KRI1: variants seen among roughly 807,000 people sequenced by gnomAD.
KRI1 encodes KRI1 homolog.
Under a neutral mutation model 97.0 loss-of-function variants are expected in KRI1, and 83 were observed. That is an observed-to-expected ratio of 0.86 (90% CI 0.72 to 1.03). The LOEUF is 1.03. Ranked by LOEUF, KRI1 falls within the 50% of genes least tolerant of loss-of-function variation. KRI1 has a pLI of 0.00. For missense variants in KRI1, 916 were observed against 928.4 expected (o/e 0.99, Z 0.17); for synonymous variants, 371 against 363.5 (o/e 1.02, Z -0.23).
At chr19:10,560,082 C>T (rs1409886270) in intron 9 of KRI1, 146 bp from the exon 10 acceptor site, 2 of 1,254,346 alleles carry the variant, frequency 1.6e-6, no homozygotes, top group Non-Finnish European at 2.1e-6. Context: ...CCTCATTTTA[C>T]AGATGGGGAA....
chr19:10,558,996 C>T (rs1319212883), intron 12 of KRI1, among the ~76,000 whole-genome samples: 1 of 142,636 alleles, frequency 7.0e-6, no homozygotes, highest in East Asian at 2.0e-4. Context: ...TGAGCCACTG[C>T]ACCCGGCCAG....
In KRI1 at chr19:10,560,339, T is replaced by A. The variant is rs1916654539; in HGVS notation, c.773A>T (p.Asp258Val). The A allele has an allele frequency of 6.2e-7, 1 of 1,607,058 alleles. No homozygotes were observed. The highest frequency in any genetic ancestry group is 1.4e-5 in the African/African-American group (1 of 70,454). Residue 258 changes from aspartate to valine, a missense_variant, in exon 9 of 19, where the codon GAT (aspartate) becomes GTT (valine). By Grantham distance (152) the Asp-to-Val change is radical. Transcript: ENST00000312962. ...RYEEEEEEEE[D>V]EEEMEEEEGV... ...CTCCTCTTCCTCCATTTCCTCTTCATCTTCCTCCTCCTCTTCCTCCTCCTC... is the reference window on the plus strand; with the variant it reads ...CTCCTCTTCCTCCATTTCCTCTTCAACTTCCTCCTCCTCTTCCTCCTCCTC...
Position 10,558,185 on chromosome 19 carries a change from C to T in KRI1, c.1249G>A (p.Glu417Lys). The change falls in exon 13 of 19, where the codon GAG becomes AAG. Residue 417 changes from glutamate to lysine, a missense_variant. By Grantham distance (56) the Glu-to-Lys change is moderately conservative. Coordinates refer to ENST00000312962, the MANE Select transcript of KRI1 (RefSeq NM_023008.5). ...GAVEEEKPQF[E>K]EEEGLEDDWN... ...TCACCTTCAAGCCCTTCTTCTTCCTCAAATTGTGGCTTCTCCTCCTCCACG... is the reference window on the plus strand; with the variant it reads ...TCACCTTCAAGCCCTTCTTCTTCCTTAAATTGTGGCTTCTCCTCCTCCACG... The T allele has an allele frequency of 6.2e-7, 1 of 1,614,148 alleles. No individual in the cohort carries two copies. The highest frequency in any genetic ancestry group is 1.3e-5 in the African/African-American group (1 of 75,044).
intron 12 of KRI1, among the ~76,000 whole-genome samples, chr19:10,558,712 T>TC (rs1250471823): frequency 6.6e-6 from 1 of 151,604 alleles, no homozygotes; most frequent in Non-Finnish European, 1.5e-5. Flanking sequence ...CCGGCTAAGA[T>TC]CTTTTTTTTT....
Position 10,565,760 on chromosome 19 carries a change from C to T in KRI1, c.125G>A (p.Ser42Asn). The T allele has an allele frequency of 6.3e-7, 1 of 1,581,248 alleles. No individual in the cohort carries two copies. Residue 42 changes from serine (S) to asparagine (N), a missense_variant, in exon 2 of 19, where the codon AGC (serine) becomes AAC (asparagine). This residue lies in a region of KRI1 where 173 missense variants were observed against 153.1 expected (regional missense o/e 1.13). Transcript: ENST00000312962. ...LKDRYGDRDS[S>N]SDSSSESDSS... Reference sequence around the variant, plus strand: ...GTCCGACTCGGAGCTGGAGTCGCTGCTGCTGTCTCGGTCCCCGTAGCGATC... The same window carrying T: ...GTCCGACTCGGAGCTGGAGTCGCTGTTGCTGTCTCGGTCCCCGTAGCGATC...
chr19:10,557,515 G>A, intron 16 of KRI1, 37 bp downstream of exon 16: 1 of 1,595,236 alleles, frequency 6.3e-7, no homozygotes, highest in Non-Finnish European at 8.6e-7. Flanking sequence ...CATACCTGGT[G>A]CCCCCTGCAG....
intron 3 of KRI1, 65 bp downstream of exon 3, chr19:10,564,864 G>A: frequency 9.8e-7 from 1 of 1,016,934 alleles, no homozygotes; most frequent in Non-Finnish European, 1.6e-6. Flanking sequence ...TGAATCCACA[G>A]TCAGGAAAGG....
chr19:10,561,813 T>A lies in KRI1; in HGVS notation c.416A>T (p.Glu139Val). 6.2e-7 allele frequency: 1 copy of A among 1,613,836 alleles called. No individual in the cohort carries two copies. Among genetic ancestry groups the A allele is most frequent in the Non-Finnish European group, 8.5e-7 (1 of 1,179,920 alleles). ...CACCTGGAGTCTGTGATTGGAAGTC[T>A]CCCCGTCTGAGTTCTCCTCATCAAC... Reference protein sequence around the residue: ...KYVDEENSDGETSNHRLQETS... With the variant: ...KYVDEENSDGVTSNHRLQETS... The change falls in exon 5 of 19, where the codon GAG (glutamate) becomes GTG (valine). Residue 139 changes from glutamate to valine, a missense_variant. Glu to Val is a moderately radical substitution (Grantham distance 121, BLOSUM62 -2). Transcript: ENST00000312962.
intron 3 of KRI1, 51 bp downstream of exon 3, chr19:10,564,878 C>T (rs758414775): frequency 3.4e-6 from 4 of 1,192,336 alleles, no homozygotes; most frequent in Non-Finnish European, 5.0e-6. Flanking sequence ...GGAAAGGACC[C>T]CGGATTCTGC....
rs1340428483 is a variant in KRI1 at position 10,553,124 on chromosome 19, C to T, written c.*827G>A. ...ATTTATTTTTTTATTTATGTCATGT[C>T]GGGTGTGGGATCTTGAGCTCTGGCA... On this transcript the variant is annotated 3_prime_UTR_variant, in exon 19 of 19. Coordinates refer to ENST00000312962, the MANE Select transcript of KRI1 (RefSeq NM_023008.5). 6 of 1,504,276 alleles carry T rather than the reference C, an allele frequency of 4.0e-6. No homozygotes were observed. Among genetic ancestry groups the T allele is most frequent in the Admixed American group, 2.1e-5 (1 of 47,950 alleles). The allele number at this position is 1,504,276 out of a possible 1,614,324, so 93.2% of individuals were successfully genotyped here. A position where few individuals can be genotyped will look rare whatever the true frequency, so the allele number is the denominator to read the frequency against.
At chr19:10,558,140 GC>G in intron 13 of KRI1, 23 bp downstream of exon 13, 1 of 1,613,448 alleles carries the variant, frequency 6.2e-7, no homozygotes, top group Non-Finnish European at 8.5e-7. Flanking sequence ...CCAATCCCCA[GC>G]CCAGTGCCCC....
rs964642020 is a variant in KRI1, at chr19:10,553,190, C to G, written c.*761G>C. ...CCTGTTGTCAGCCCCTCAAGCCCAG[C>G]TGCAACCAGTCTGGGGCCATTCAGC... On this transcript the variant is annotated 3_prime_UTR_variant, in exon 19 of 19. Transcript: ENST00000312962. The G allele has an allele frequency of 5.7e-6, 7 of 1,236,994 alleles. No homozygotes were observed. The African/African-American group carries it at 1.1e-4, about 19-fold the overall frequency. The allele number at this position is 1,236,994 out of a possible 1,614,324, so 76.6% of individuals were successfully genotyped here. A position where few individuals can be genotyped will look rare whatever the true frequency, so the allele number is the denominator to read the frequency against.
In KRI1 at chr19:10,561,578, A is replaced by T. The variant is rs1916698708; in HGVS notation, c.488+89T>A. The T allele has an allele frequency of 2.4e-6, 3 of 1,253,466 alleles. No individual in the cohort carries two copies. The East Asian group carries it at 6.9e-5, about 29-fold the overall frequency. The allele number at this position is 1,253,466 out of a possible 1,614,324, so 77.6% of individuals were successfully genotyped here. A position where few individuals can be genotyped will look rare whatever the true frequency, so the allele number is the denominator to read the frequency against. ...GATGAGGAAACTGAAGCACATAGAA[A>T]GTGACAGAGCTCAATTTGAACCCGT... is the stretch of plus-strand genomic sequence containing the variant. On this transcript the variant is annotated intron_variant, in intron 6 of 18. Coordinates refer to ENST00000312962, the MANE Select transcript of KRI1 (RefSeq NM_023008.5).
chr19:10,561,430 G>C (rs1201037988), intron 6 of KRI1, among the ~76,000 whole-genome samples, 165 bp from the exon 7 acceptor site: 25 of 152,076 alleles, frequency 1.6e-4, no homozygotes, highest in Non-Finnish European at 1.5e-5. Flanking sequence ...AAAGCCCTGA[G>C]ATTACAGGCA....
chr19:10,556,419 G>C (rs1239672293), intron 16 of KRI1, among the ~76,000 whole-genome samples: 1 of 152,188 alleles, frequency 6.6e-6, no homozygotes. Flanking sequence ...TGTAATCCCA[G>C]CACTTTGGGA....
In KRI1 at chr19:10,557,634, T is replaced by C; in HGVS notation, c.1535A>G (p.Tyr512Cys). ...EYLDEYYRLD[Y>C]EDIIDDLPCR... ...GGGCAGGTCGTCGATGATGTCCTCG[T>C]AGTCCAGCCGGTAATACTCATCCAG... Residue 512 changes from tyrosine (Y) to cysteine (C), a missense_variant, in exon 16 of 19, where the codon TAC (tyrosine) becomes TGC (cysteine). Transcript: ENST00000312962. 6.2e-7 allele frequency: 1 copy of C among 1,614,198 alleles called. No individual in the cohort carries two copies.
At chr19:10,565,819 C>G (rs1480164594) in intron 1 of KRI1, 29 bp from the exon 2 acceptor site, 3 of 1,550,732 alleles carry the variant, frequency 1.9e-6, no homozygotes, top group Admixed American at 3.8e-5. Context: ...ATGCCCCCCC[C>G]CAGGTCAGCC....
intron 1 of KRI1, 27 bp downstream of exon 1, chr19:10,565,879 T>C (rs1916858965): frequency 1.3e-6 from 2 of 1,530,218 alleles, no homozygotes; most frequent in African/African-American, 1.4e-5. Flanking sequence ...GCGCGCAGGC[T>C]CCCGCGCGCA....
At chr19:10,561,370 G>A (rs906173993) in intron 6 of KRI1, 105 bp from the exon 7 acceptor site, 15 of 1,082,426 alleles carry the variant, frequency 1.4e-5, no homozygotes, top group Admixed American at 6.1e-5. Flanking sequence ...ATGTTGCCCA[G>A]GCTGATCTTG....
Sources: gnomAD v4.1 joint callset for allele counts (sites outside exome capture counted in the v4.1 genomes callset) on GRCh38, gnomAD v4.1.1 for gene constraint, gnomAD v4.1.1 regional missense constraint, MANE v1.5 for transcripts, NCBI Gene and HGNC (gene_info 2026-07-23, HGNC 2026-07-21) for gene names.